HOXA3: variants seen among roughly 807,000 people sequenced by gnomAD.
The protein encoded by HOXA3 is homeobox protein Hox-A3.
In HOXA3, 8 loss-of-function variants were observed where a neutral mutation model predicts 30.3. That is an observed-to-expected ratio of 0.26 (90% CI 0.15 to 0.48). HOXA3 has a LOEUF of 0.48. HOXA3 is among the 20% of genes least tolerant of loss of function. The probability of loss-of-function intolerance (pLI) is 0.99; values close to 1 mark genes in which losing one functional copy is unlikely to be tolerated. For missense variants in HOXA3, 653 were observed against 614.4 expected (o/e 1.06, Z -0.66); for synonymous variants, 323 against 273.1 (o/e 1.18, Z -1.80).
intron 1 of HOXA3, chr7:27,147,153 T>G (rs1415492764): frequency 1.3e-6 from 1 of 781,736 alleles, no homozygotes; most frequent in Non-Finnish European, 2.0e-6. Flanking sequence ...CATTGGGAAC[T>G]GATTTTTTCT....
intron 1 of HOXA3, chr7:27,141,543 C>A: frequency 8.3e-6 from 2 of 242,118 alleles, no homozygotes; most frequent in Non-Finnish European, 1.6e-5. Context: ...TTTCTCTTTT[C>A]TTTTTTTGTT....
intron 2 of HOXA3, chr7:27,129,617 G>T: frequency 6.3e-7 from 1 of 1,599,598 alleles, no homozygotes; most frequent in Non-Finnish European, 8.5e-7. Flanking sequence ...AGGAGGGAGC[G>T]GAAGAGAGGG....
At chr7:27,142,887 A>G in intron 1 of HOXA3, 1 of 651,058 alleles carries the variant, frequency 1.5e-6, no homozygotes. Flanking sequence ...AAAGAAGAGG[A>G]GGAAGGAGGA....
Position 27,120,652 on chromosome 7 carries a change from C to A in HOXA3, c.-121+1907G>T, listed in dbSNP as rs191698976. 8.1e-4 allele frequency among the ~76,000 whole-genome samples: 123 copies of A among 152,214 alleles called. 1 individual carries two copies. Among genetic ancestry groups the A allele is most frequent in the African/African-American group, 2.8e-3 (115 of 41,528 alleles). ...GCATCTCAGCTCCAGCCTGGGGCCTCCAAACGGCTGCTAACATCCAGTTAA... is the reference window on the plus strand; with the variant it reads ...GCATCTCAGCTCCAGCCTGGGGCCTACAAACGGCTGCTAACATCCAGTTAA... On this transcript the variant is annotated intron_variant, in intron 4 of 5. Transcript: ENST00000612286.
At chr7:27,149,233 G>A (rs1178537603) in intron 1 of HOXA3, among the ~76,000 whole-genome samples, 2 of 152,228 alleles carry the variant, frequency 1.3e-5, no homozygotes, top group Non-Finnish European at 2.9e-5. Context: ...TTACAACTGT[G>A]TTTGTTGGGC....
intron 4 of HOXA3, among the ~76,000 whole-genome samples, chr7:27,112,297 C>G (rs921256294): frequency 6.6e-6 from 1 of 152,010 alleles, no homozygotes; most frequent in South Asian, 2.1e-4. Flanking sequence ...CAGAGTTATT[C>G]AAGTTTTCCA....
chr7:27,145,765 T>C, intron 1 of HOXA3: 1 of 1,614,234 alleles, frequency 6.2e-7, no homozygotes, highest in Non-Finnish European at 8.5e-7. Flanking sequence ...CAGATCTTGA[T>C]CTGGCGCTCG....
At position 27,113,682 on chromosome 7, in the gene HOXA3, G is replaced by C. The variant is rs952823259; in HGVS notation, c.-120-2922C>G. 2.6e-5 allele frequency: 4 copies of C among 152,232 alleles called. No homozygotes were observed. Among genetic ancestry groups the C allele is most frequent in the African/African-American group, 9.7e-5 (4 of 41,432 alleles). 9.4% of individuals were successfully genotyped at this position (152,232 alleles called of 1,614,324 possible). On this transcript the variant is annotated intron_variant, in intron 4 of 5. Coordinates refer to ENST00000612286, the MANE Select transcript of HOXA3 (RefSeq NM_153631.3). This position sits in a 1 kb window ranked among gnomAD's most constrained non-coding sequence, Gnocchi z 4.8. ...GGCTCCGACACGGGCTCTGGCCCCCGGCCTGGCTTGGCGGCCCGGCCGGGT... is the reference window on the plus strand; with the variant it reads ...GGCTCCGACACGGGCTCTGGCCCCCCGCCTGGCTTGGCGGCCCGGCCGGGT...
At position 27,108,212 on chromosome 7, in the gene HOXA3, G is replaced by C. The variant is rs1001112419; in HGVS notation, c.1035C>G (p.His345Gln). 6.5e-7 allele frequency: 1 copy of C among 1,532,246 alleles called. No individual in the cohort carries two copies. The highest frequency in any genetic ancestry group is 8.8e-7 in the Non-Finnish European group (1 of 1,139,158). The allele number at this position is 1,532,246 out of a possible 1,614,324, so 94.9% of individuals were successfully genotyped here. The change falls in exon 6 of 6, where the codon CAC becomes CAG. Residue 345 changes from histidine (H) to glutamine (Q), a missense_variant. His to Gln is a conservative substitution (Grantham distance 24, BLOSUM62 0). Around this residue, in one of 3 missense-constraint regions of HOXA3, gnomAD observed 330 missense variants for 274.4 expected, o/e 1.20. Transcript: ENST00000612286. This position sits in a 1 kb window ranked among gnomAD's most constrained non-coding sequence, Gnocchi z 5.0. ...TGCCGTTGCCCTGCAGGCCATGAGCGTGCGGGTCATAGTCGGGGGTGCCCC... is the reference window on the plus strand; with the variant it reads ...TGCCGTTGCCCTGCAGGCCATGAGCCTGCGGGTCATAGTCGGGGGTGCCCC... ...GAGGTPDYDPHAHGLQGNGSY... is the reference protein window; with the variant it reads ...GAGGTPDYDPQAHGLQGNGSY...
chr7:27,121,664 GC>G (rs1483665095), intron 4 of HOXA3, among the ~76,000 whole-genome samples: 1 of 152,124 alleles, frequency 6.6e-6, no homozygotes, highest in Non-Finnish European at 1.5e-5. Flanking sequence ...AAGACTGGAG[GC>G]CTAGGAAATA....
chr7:27,147,516 A>ACAC, intron 1 of HOXA3: 1 of 1,614,160 alleles, frequency 6.2e-7, no homozygotes, highest in African/African-American at 1.3e-5. Context: ...CAGAATAGAA[A>ACAC]CACGAGGCCC....
chr7:27,143,008 C>T, intron 1 of HOXA3: 4 of 1,485,494 alleles, frequency 2.7e-6, no homozygotes, highest in South Asian at 1.4e-5. Context: ...GAGCCGCGTC[C>T]CCGCGGTCGC....
At chr7:27,134,032 A>C (rs546533827) in intron 2 of HOXA3, 1 of 152,298 alleles carries the variant, frequency 6.6e-6, no homozygotes. Flanking sequence ...GCCAAAGGAA[A>C]TGTAAACGTT....
intron 2 of HOXA3, chr7:27,130,161 C>G: frequency 3.7e-6 from 6 of 1,601,342 alleles, no homozygotes; most frequent in Non-Finnish European, 5.1e-6. Flanking sequence ...ACACCACGGG[C>G]TCCTTGCCCT....
At chr7:27,150,566 C>T (rs969997280) in intron 1 of HOXA3, 1 of 152,712 alleles carries the variant, frequency 6.5e-6, no homozygotes, top group Non-Finnish European at 1.5e-5. Flanking sequence ...ATAGCCAATC[C>T]TCCTCAGAGC....
rs575071881 is a variant in HOXA3 at position 27,116,702 on chromosome 7, AT to A, written c.-121+5856del. 7.2e-5 allele frequency: 11 copies of A among 152,354 alleles called. No individual in the cohort carries two copies. The East Asian group carries it at 2.1e-3, about 29-fold the overall frequency. 9.4% of individuals were successfully genotyped at this position (152,354 alleles called of 1,614,324 possible). A position where few individuals can be genotyped will look rare whatever the true frequency, so the allele number is the denominator to read the frequency against. ...CTCTCATTCTTTCTAGCAAAACTAT[AT>A]TATTTATGAGTCTTTAACTGGGTCA... On this transcript the variant is annotated intron_variant, in intron 4 of 5. Coordinates refer to ENST00000612286, the MANE Select transcript of HOXA3 (RefSeq NM_153631.3).
Position 27,117,496 on chromosome 7 carries a change from G to A in HOXA3, c.-121+5063C>T, listed in dbSNP as rs183746091. ...TCTTCAACCCTCTGGGGCAGAGGGT[G>A]CTCAGGGAAACAATGGCGGGCCCTC... On this transcript the variant is annotated intron_variant, in intron 4 of 5. Coordinates refer to ENST00000612286, the MANE Select transcript of HOXA3 (RefSeq NM_153631.3). Among the ~76,000 whole-genome samples, 9 of 152,310 alleles carry A rather than the reference G, an allele frequency of 5.9e-5. No homozygotes were observed. In the East Asian group the frequency reaches 1.4e-3, roughly 23 times the overall value.
chr7:27,119,882 T>C (rs964184264), intron 4 of HOXA3, among the ~76,000 whole-genome samples: 3 of 152,190 alleles, frequency 2.0e-5, no homozygotes, highest in African/African-American at 7.2e-5. Context: ...CAATCTGTGG[T>C]GTAGCTGGAA....
Position 27,107,938 on chromosome 7 carries a change from C to T in HOXA3, c.1309G>A (p.Ala437Thr), listed in dbSNP as rs769210162. The change falls in exon 6 of 6, where the codon GCA (alanine) becomes ACA (threonine). Residue 437 changes from alanine (A) to threonine (T), a missense_variant. By Grantham distance (58) the Ala-to-Thr change is moderately conservative. Around this residue, in one of 3 missense-constraint regions of HOXA3, gnomAD observed 330 missense variants for 274.4 expected, o/e 1.20. Transcript: ENST00000612286. ...TATCACAGGTGGGTGAGCTTGGGTG[C>T]TTCCTGAATTCTTCCCTGAGAAGGA... Reference protein sequence around the residue: ...HHPSQGRIQEAPKLTHL With the variant: ...HHPSQGRIQETPKLTHL The T allele has an allele frequency of 6.3e-7, 1 of 1,582,608 alleles. No individual in the cohort carries two copies. The highest frequency in any genetic ancestry group is 1.7e-5 in the Admixed American group (1 of 57,826).
Sources: allele counts gnomAD v4.1 joint callset (sites outside exome capture counted in the v4.1 genomes callset), GRCh38; gene constraint gnomAD v4.1.1; regional missense constraint gnomAD v4.1.1; non-coding constraint Gnocchi (gnomAD v3.1); transcripts MANE v1.5; gene names NCBI Gene and HGNC (gene_info 2026-07-23, HGNC 2026-07-21).